Variants in PDE4D observed in about 807,000 individuals in gnomAD.
PDE4D encodes phosphodiesterase 4D.
In PDE4D, 24 loss-of-function variants were observed where a neutral mutation model predicts 87.4. The observed-to-expected ratio is 0.27, with a 90% CI of 0.20 to 0.39. PDE4D has a LOEUF of 0.39. PDE4D is among the 10% of genes least tolerant of loss of function. The pLI is 1.00. For synonymous variants in PDE4D, 384 were observed against 383.2 expected, an observed-to-expected ratio of 1.00 and a Z score of -0.02; for missense variants, 714 against 1,041.0, an observed-to-expected ratio of 0.69 and a Z score of 4.32.
rs558046877 is a variant in PDE4D, at chr5:59,881,651, TTTA to T, written c.455+11514_455+11516del. 2.2e-4 allele frequency among the ~76,000 whole-genome samples: 34 copies of T among 152,334 alleles called. No individual in the cohort carries two copies. The South Asian group carries it at 7.0e-3, about 32-fold the overall frequency. On this transcript the variant is annotated intron_variant, in intron 1 of 14. Transcript: ENST00000340635. The stretch of plus-strand genomic sequence containing the variant: ...AATTGGTAACCCTGGAGTTCAATTA[TTTA>T]TTAATAATTCTTTCAGTTCAAGCAA...
intron 4 of PDE4D, 80 bp from the exon 5 acceptor site, chr5:59,180,724 A>G: frequency 7.9e-7 from 1 of 1,261,924 alleles, no homozygotes; most frequent in Non-Finnish European, 1.1e-6. Flanking sequence ...TTTCAGATAT[A>G]GCATTTTACT....
chr5:59,324,833 G>A (rs1348500403), intron 1 of PDE4D, among the ~76,000 whole-genome samples: 1 of 152,148 alleles, frequency 6.6e-6, no homozygotes, highest in Admixed American at 6.6e-5. Flanking sequence ...ACTGACACAT[G>A]TCTATCTTCC....
intron 1 of PDE4D, among the ~76,000 whole-genome samples, chr5:59,612,333 C>A (rs954692569): frequency 2.5e-4 from 37 of 150,818 alleles, no homozygotes; most frequent in African/African-American, 8.3e-4. Flanking sequence ...CAGATTCCAA[C>A]AACCAAGTTG....
intron 1 of PDE4D, among the ~76,000 whole-genome samples, chr5:60,316,347 C>G (rs1171650394): frequency 6.6e-6 from 1 of 152,134 alleles, no homozygotes; most frequent in African/African-American, 2.4e-5. Context: ...TATCCTGAGA[C>G]TTTGCTGAAG....
intron 5 of PDE4D, among the ~76,000 whole-genome samples, chr5:59,085,637 T>C (rs1704814873): frequency 6.6e-6 from 1 of 152,184 alleles, no homozygotes; most frequent in African/African-American, 2.4e-5. Context: ...AAACTGAGTG[T>C]CCCAGGCACG....
chr5:60,003,680 G>A (rs1011038152), intron 2 of PDE4D, among the ~76,000 whole-genome samples: 2 of 145,148 alleles, frequency 1.4e-5, no homozygotes, highest in African/African-American at 5.2e-5. Flanking sequence ...CTGCACTCCA[G>A]CCTGGGCAAC....
chr5:59,133,588 C>T (rs1021721045), intron 5 of PDE4D, among the ~76,000 whole-genome samples: 5 of 152,174 alleles, frequency 3.3e-5, no homozygotes, highest in African/African-American at 1.2e-4. Flanking sequence ...TAGAAAAGTA[C>T]ACTAGGTCCT....
chr5:59,868,363 C>T (rs1000266372), intron 1 of PDE4D, among the ~76,000 whole-genome samples: 1 of 152,122 alleles, frequency 6.6e-6, no homozygotes, highest in Non-Finnish European at 1.5e-5. Context: ...TCTAGGTTCT[C>T]ATGTCTGCTT....
chr5:59,277,085 G>C (rs1476173897), intron 1 of PDE4D, among the ~76,000 whole-genome samples: 1 of 152,138 alleles, frequency 6.6e-6, no homozygotes. Flanking sequence ...CTAGTCTGAC[G>C]TGAACTTGGT....
chr5:60,186,566 GAA>G (rs1467439555), intron 1 of PDE4D, among the ~76,000 whole-genome samples: 1 of 152,254 alleles, frequency 6.6e-6, no homozygotes, highest in Middle Eastern at 3.4e-3. Flanking sequence ...TACTGTAAGG[GAA>G]AGAGGATAAA....
chr5:59,859,234 T>A (rs6874831), intron 1 of PDE4D, among the ~76,000 whole-genome samples: 14,130 of 152,168 alleles, frequency 0.093, 2,029 homozygotes, highest in African/African-American at 0.31. Flanking sequence ...TGCCACTTAG[T>A]TGTTTTCTTA....
intron 1 of PDE4D, among the ~76,000 whole-genome samples, chr5:59,504,580 T>G (rs1301018157): frequency 6.6e-6 from 1 of 152,180 alleles, no homozygotes; most frequent in African/African-American, 2.4e-5. Flanking sequence ...CTATGTCCAT[T>G]TTTTGATGTG....
At chr5:58,997,916 C>T (rs1749605525) in intron 6 of PDE4D, among the ~76,000 whole-genome samples, 3 of 152,102 alleles carry the variant, frequency 2.0e-5, no homozygotes, top group Admixed American at 2.0e-4. Context: ...ACTTCTACAT[C>T]ACGCCAGTGT....
At chr5:59,969,405 T>C (rs1412163566) in intron 3 of PDE4D, among the ~76,000 whole-genome samples, 3 of 152,186 alleles carry the variant, frequency 2.0e-5, no homozygotes, top group African/African-American at 4.8e-5. Flanking sequence ...TGAATATAAT[T>C]GAATAGAATA....
intron 2 of PDE4D, among the ~76,000 whole-genome samples, chr5:60,107,926 T>A (rs1000493324): frequency 1.3e-5 from 2 of 152,012 alleles, no homozygotes. Flanking sequence ...AAAACTAGAA[T>A]CATTCCGTTT....
intron 1 of PDE4D, among the ~76,000 whole-genome samples, chr5:59,405,495 A>T (rs1001642462): frequency 1.3e-5 from 2 of 152,182 alleles, no homozygotes; most frequent in African/African-American, 4.8e-5. Context: ...AGGTTTTTCC[A>T]AATATAAAAT....
intron 1 of PDE4D, among the ~76,000 whole-genome samples, chr5:59,749,478 G>A (rs931023642): frequency 6.6e-6 from 1 of 152,082 alleles, no homozygotes; most frequent in African/African-American, 2.4e-5. Context: ...TGGCCAGGCT[G>A]GTCTCAAACT....
intron 2 of PDE4D, among the ~76,000 whole-genome samples, chr5:60,062,012 A>AT (rs1295027947): frequency 1.3e-5 from 2 of 152,180 alleles, no homozygotes; most frequent in Non-Finnish European, 2.9e-5. Flanking sequence ...ATGGGCAAAG[A>AT]TTTTATGATG....
chr5:59,699,699 A>G (rs1473789707), intron 1 of PDE4D, among the ~76,000 whole-genome samples: 1 of 152,220 alleles, frequency 6.6e-6, no homozygotes, highest in African/African-American at 2.4e-5. Flanking sequence ...ACCTTTGTTT[A>G]TGGACACTGA....
Sources: gnomAD v4.1 joint callset for allele counts (sites outside exome capture counted in the v4.1 genomes callset) on GRCh38, gnomAD v4.1.1 for gene constraint, MANE v1.5 for transcripts, NCBI Gene and HGNC (gene_info 2026-07-23, HGNC 2026-07-21) for gene names.